The following STXBP4 variants were observed in gnomAD, a reference collection of about 807,000 sequenced individuals.
STXBP4 encodes syntaxin binding protein 4.
A neutral mutation model predicts 76.1 loss-of-function variants in STXBP4; 55 were observed. The ratio of observed to expected loss-of-function variants is 0.72; its 90% CI spans 0.58 to 0.91. STXBP4 has a LOEUF of 0.91. STXBP4 is among the 40% of genes least tolerant of loss of function. The probability of loss-of-function intolerance (pLI) is 0.00; values close to 1 mark genes in which losing one functional copy is unlikely to be tolerated. For missense variants in STXBP4, 618 were observed against 636.9 expected (o/e 0.97, Z 0.32); for synonymous variants, 201 against 220.2 (o/e 0.91, Z 0.77).
At chr17:54,993,538 A>T (rs1050798020) in intron 4 of STXBP4, among the ~76,000 whole-genome samples, 1 of 152,228 alleles carries the variant, frequency 6.6e-6, no homozygotes, top group African/African-American at 2.4e-5. Flanking sequence ...TATTTTCTCA[A>T]GATGGAGAGC....
In STXBP4 at chr17:55,164,433, T is replaced by TC. The variant is rs1246524089; in HGVS notation, c.*4522_*4523insC. ...ATTCTCTATATCACTCTACCCTGTTTATTTCTTTTTTTTTTTTTTTTTTTT... is the reference window on the plus strand; with the variant it reads ...ATTCTCTATATCACTCTACCCTGTTTCATTTCTTTTTTTTTTTTTTTTTTTT... On this transcript the variant is annotated 3_prime_UTR_variant, in exon 18 of 18. Transcript: ENST00000376352. The TC allele has an allele frequency of 7.4e-6, 1 of 134,978 alleles. No homozygotes were observed. Among genetic ancestry groups the TC allele is most frequent in the African/African-American group, 2.9e-5 (1 of 34,764 alleles). 8.4% of individuals were successfully genotyped at this position (134,978 alleles called of 1,614,324 possible).
At chr17:55,142,856 C>G (rs2080109721) in intron 17 of STXBP4, among the ~76,000 whole-genome samples, 1 of 152,086 alleles carries the variant, frequency 6.6e-6, no homozygotes, top group Admixed American at 6.6e-5. Context: ...CCCAGGAATT[C>G]CATGTGCAGA....
intron 12 of STXBP4, among the ~76,000 whole-genome samples, chr17:55,051,877 T>C (rs1327662052): frequency 1.3e-5 from 2 of 152,160 alleles, no homozygotes; most frequent in Non-Finnish European, 2.9e-5. Flanking sequence ...ACATGTGTAT[T>C]ATATATATGC....
At position 55,148,023 on chromosome 17, in the gene STXBP4, CAAAAT is replaced by C. The variant is rs144847010; in HGVS notation, c.1547+6660_1547+6664del. Among the ~76,000 whole-genome samples, 507 of 152,238 alleles carry C rather than the reference CAAAAT, an allele frequency of 3.3e-3. 11 individuals are homozygous for C. The highest frequency in any genetic ancestry group is 0.025 in the East Asian group (131 of 5,180). On this transcript the variant is annotated intron_variant, in intron 17 of 17. Coordinates refer to ENST00000376352, the MANE Select transcript of STXBP4 (RefSeq NM_178509.6). Reference sequence around the variant, plus strand: ...TGATGCAACTATTAGGTTGGAATAACAAAATAAACAATGAGAACACCCCTACCCCA... The same window carrying C: ...TGATGCAACTATTAGGTTGGAATAACAAACAATGAGAACACCCCTACCCCA...
Position 55,168,939 on chromosome 17 carries a change from T to C in STXBP4, c.*9028T>C, listed in dbSNP as rs2080392298. 1 of 152,168 alleles carries C rather than the reference T, an allele frequency of 6.6e-6. No individual in the cohort carries two copies. Among genetic ancestry groups the C allele is most frequent in the East Asian group, 1.9e-4 (1 of 5,200 alleles). 9.4% of individuals were successfully genotyped at this position (152,168 alleles called of 1,614,324 possible). A position where few individuals can be genotyped will look rare whatever the true frequency, so the allele number is the denominator to read the frequency against. On this transcript the variant is annotated 3_prime_UTR_variant, in exon 18 of 18. Coordinates refer to ENST00000376352, the MANE Select transcript of STXBP4 (RefSeq NM_178509.6). ...ACTCTTCTCAATAGTCCTTAAATGG[T>C]TTATTGACCAAAAAGTAAAGAAGTA...
In STXBP4 at chr17:55,169,066, TC is replaced by T. The variant is rs2080392804; in HGVS notation, c.*9156del. 1.3e-5 allele frequency: 2 copies of T among 152,266 alleles called. No individual in the cohort carries two copies. Among genetic ancestry groups the T allele is most frequent in the East Asian group, 3.9e-4 (2 of 5,180 alleles). The allele number at this position is 152,266 out of a possible 1,614,324, so 9.4% of individuals were successfully genotyped here. A position where few individuals can be genotyped will look rare whatever the true frequency, so the allele number is the denominator to read the frequency against. On this transcript the variant is annotated 3_prime_UTR_variant, in exon 18 of 18. Coordinates refer to ENST00000376352, the MANE Select transcript of STXBP4 (RefSeq NM_178509.6). The stretch of plus-strand genomic sequence containing the variant: ...CCTGGCTGACAGTAACTGCAGGACA[TC>T]AATTATTGTAAGACACTTCCTGTAA...
chr17:55,205,890 G>A, the STXBP4 span, among the ~76,000 whole-genome samples: 1 of 150,552 alleles, frequency 6.6e-6, no homozygotes, highest in African/African-American at 2.4e-5. Flanking sequence ...AAAAATATTG[G>A]CACTTGGGTA....
intron 16 of STXBP4, among the ~76,000 whole-genome samples, chr17:55,112,550 T>C (rs1458160081): frequency 6.6e-6 from 1 of 152,158 alleles, no homozygotes; most frequent in Non-Finnish European, 1.5e-5. Context: ...TATTGGAGGT[T>C]GGTAGAACCA....
At chr17:55,070,585 A>G (rs1820825918) in intron 12 of STXBP4, among the ~76,000 whole-genome samples, 1 of 152,184 alleles carries the variant, frequency 6.6e-6, no homozygotes, top group Non-Finnish European at 1.5e-5. Flanking sequence ...CTGCTGCCAG[A>G]TTTAGCTTTC....
chr17:54,978,714 A>G (rs553444258), intron 1 of STXBP4, among the ~76,000 whole-genome samples: 1 of 152,346 alleles, frequency 6.6e-6, no homozygotes, highest in Non-Finnish European at 1.5e-5. Flanking sequence ...ATAATATATC[A>G]AAGTATATAT....
At chr17:55,188,804 T>C in the STXBP4 span, among the ~76,000 whole-genome samples, 2 of 152,236 alleles carry the variant, frequency 1.3e-5, no homozygotes, top group Non-Finnish European at 2.9e-5. Flanking sequence ...CTTTCCGAGT[T>C]TCCTCTTCTT....
At chr17:55,005,535 G>A (rs2077990827) in intron 7 of STXBP4, among the ~76,000 whole-genome samples, 1 of 152,154 alleles carries the variant, frequency 6.6e-6, no homozygotes, top group African/African-American at 2.4e-5. Flanking sequence ...AAATTTTTAT[G>A]CTTAGATGTA....
At chr17:54,979,494 C>G (rs904495535) in intron 1 of STXBP4, among the ~76,000 whole-genome samples, 1 of 152,146 alleles carries the variant, frequency 6.6e-6, no homozygotes, top group Non-Finnish European at 1.5e-5. Flanking sequence ...TAAGAAAAAG[C>G]CTCCTTTAGC....
intron 8 of STXBP4, among the ~76,000 whole-genome samples, chr17:55,015,674 G>A (rs745637059): frequency 2.6e-5 from 4 of 151,694 alleles, no homozygotes; most frequent in Non-Finnish European, 4.4e-5. Context: ...GCACTCTTTG[G>A]TTTGTTGTTT....
At chr17:55,013,227 G>A (rs1339179589) in intron 8 of STXBP4, among the ~76,000 whole-genome samples, 2 of 152,198 alleles carry the variant, frequency 1.3e-5, no homozygotes, top group African/African-American at 4.8e-5. Context: ...ACCTGTGTAA[G>A]GACTCCCAGA....
chr17:55,032,447 A>G (rs1450223433), intron 9 of STXBP4, among the ~76,000 whole-genome samples: 2 of 152,172 alleles, frequency 1.3e-5, no homozygotes, highest in African/African-American at 2.4e-5. Context: ...AAGTGTGTGA[A>G]GATAGAGGAA....
At chr17:55,202,332 G>T in the STXBP4 span, among the ~76,000 whole-genome samples, 1 of 151,742 alleles carries the variant, frequency 6.6e-6, no homozygotes, top group East Asian at 1.9e-4. Context: ...TAAAATCAAA[G>T]GAAATATAAA....
At chr17:55,007,423 C>T (rs900360267) in intron 7 of STXBP4, 83 bp from the exon 8 acceptor site, 2 of 918,048 alleles carry the variant, frequency 2.2e-6, no homozygotes, top group Non-Finnish European at 3.5e-6. Context: ...TTTTGAACAG[C>T]AGGAACTCAG....
At chr17:55,027,277 T>G (rs1396875735) in intron 8 of STXBP4, among the ~76,000 whole-genome samples, 1 of 152,192 alleles carries the variant, frequency 6.6e-6, no homozygotes, top group Non-Finnish European at 1.5e-5. Context: ...CCACCCACTC[T>G]GGTAGCTTAA....
Sources: allele counts gnomAD v4.1 joint callset (sites outside exome capture counted in the v4.1 genomes callset), GRCh38; gene constraint gnomAD v4.1.1; transcripts MANE v1.5; gene names NCBI Gene and HGNC (gene_info 2026-07-23, HGNC 2026-07-21).